The following CLIC5 variants were observed in gnomAD, a reference collection of about 807,000 sequenced individuals.
CLIC5 encodes CLIC family member 5, also known as chloride intracellular channel protein 5.
CLIC5 carries 20 observed loss-of-function variants against 24.7 expected under a neutral mutation model. That is an observed-to-expected ratio of 0.81 (90% CI 0.57 to 1.18). The LOEUF (loss-of-function observed/expected upper bound fraction) is 1.18. Ranked by LOEUF, CLIC5 falls within the 50% of genes most tolerant of loss-of-function variation. The pLI, the probability that CLIC5 is intolerant of heterozygous loss-of-function variation, is 0.00. For synonymous variants in CLIC5, 159 were observed against 135.6 expected, an observed-to-expected ratio of 1.17 and a Z score of -1.20; for missense variants, 341 against 326.1, an observed-to-expected ratio of 1.05 and a Z score of -0.35.
intron 1 of CLIC5, 52 bp from the exon 2 acceptor site, chr6:45,955,296 G>T: frequency 1.5e-6 from 2 of 1,350,444 alleles, no homozygotes; most frequent in Non-Finnish European, 2.1e-6. Context: ...TTAGCAAGGG[G>T]AACATAAGAT....
chr6:46,086,231 T>C, the CLIC5 span, among the ~76,000 whole-genome samples: 24,404 of 152,272 alleles, frequency 0.16, 2,194 homozygotes, highest in South Asian at 0.34. Flanking sequence ...CTTCGGCTCG[T>C]GCACGGTGCA....
At chr6:45,947,617 C>T (rs915719904) in intron 3 of CLIC5, among the ~76,000 whole-genome samples, 3 of 152,176 alleles carry the variant, frequency 2.0e-5, no homozygotes, top group Non-Finnish European at 4.4e-5. Flanking sequence ...ATGTTAACTG[C>T]GTCATGAACT....
chr6:45,940,550 G>A (rs1164812024), intron 4 of CLIC5, among the ~76,000 whole-genome samples: 1 of 152,174 alleles, frequency 6.6e-6, no homozygotes. Context: ...TATTCTCCTT[G>A]GAGCTTCTGG....
chr6:45,963,573 C>A (rs556612003), intron 1 of CLIC5, among the ~76,000 whole-genome samples: 1 of 152,060 alleles, frequency 6.6e-6, no homozygotes, highest in African/African-American at 2.4e-5. Context: ...GAGAACTTAC[C>A]TTGAGAACAT....
intron 1 of CLIC5, among the ~76,000 whole-genome samples, chr6:45,955,983 T>C (rs989497737): frequency 3.3e-5 from 5 of 152,170 alleles, no homozygotes; most frequent in Non-Finnish European, 2.9e-5. Context: ...ATTGAATTCC[T>C]CCAAGGAGCT....
intron 5 of CLIC5, chr6:45,912,371 T>A: frequency 9.4e-7 from 1 of 1,066,120 alleles, no homozygotes. Flanking sequence ...AGGGCTTCAC[T>A]GAGTAATTTA....
At chr6:45,992,153 G>A (rs1041960748) in intron 1 of CLIC5, among the ~76,000 whole-genome samples, 1 of 152,134 alleles carries the variant, frequency 6.6e-6, no homozygotes, top group African/African-American at 2.4e-5. Context: ...ATGGTATCAG[G>A]TGCTCACACC....
chr6:45,947,991 C>T (rs1201596387), intron 3 of CLIC5, among the ~76,000 whole-genome samples: 1 of 152,148 alleles, frequency 6.6e-6, no homozygotes, highest in Non-Finnish European at 1.5e-5. Flanking sequence ...TTATTTGGAG[C>T]ATGACTGGCA....
At chr6:46,023,828 A>T (rs572619096) in intron 1 of CLIC5, among the ~76,000 whole-genome samples, 1 of 152,160 alleles carries the variant, frequency 6.6e-6, no homozygotes, top group Non-Finnish European at 1.5e-5. Context: ...AAATACAACT[A>T]TTATACAAAT....
chr6:46,027,113 G>A (rs1227768447), intron 1 of CLIC5, among the ~76,000 whole-genome samples: 1 of 152,182 alleles, frequency 6.6e-6, no homozygotes, highest in Non-Finnish European at 1.5e-5. Context: ...GGTGGGTCTT[G>A]CAATCCATTG....
chr6:45,932,312 T>G (rs1410532108), intron 4 of CLIC5, among the ~76,000 whole-genome samples: 1 of 152,082 alleles, frequency 6.6e-6, no homozygotes, highest in Non-Finnish European at 1.5e-5. Context: ...TTTCACCATG[T>G]TGGCCAGGAC....
intron 2 of CLIC5, among the ~76,000 whole-genome samples, chr6:45,950,215 C>A (rs1035474011): frequency 2.6e-5 from 4 of 152,128 alleles, no homozygotes; most frequent in African/African-American, 9.7e-5. Context: ...CCATGCCTGG[C>A]ATATAGGAGG....
intron 1 of CLIC5, among the ~76,000 whole-genome samples, chr6:46,076,001 A>T (rs1234346145): frequency 6.6e-6 from 1 of 152,022 alleles, no homozygotes; most frequent in Non-Finnish European, 1.5e-5. Flanking sequence ...ACGCACCCTC[A>T]TCTCTTGCCT....
intron 4 of CLIC5, among the ~76,000 whole-genome samples, chr6:45,934,833 C>T (rs774647618): frequency 1.3e-5 from 2 of 152,262 alleles, no homozygotes; most frequent in Non-Finnish European, 2.9e-5. Flanking sequence ...CTGAGGGAAA[C>T]ATGATAGACC....
At chr6:46,052,821 C>G (rs76166664) in intron 1 of CLIC5, among the ~76,000 whole-genome samples, 44 of 152,076 alleles carry the variant, frequency 2.9e-4, no homozygotes, top group Admixed American at 2.2e-3. Flanking sequence ...CTTCCAGTCT[C>G]GGTGTGGAGG....
At chr6:46,027,598 T>C (rs975549184) in intron 1 of CLIC5, among the ~76,000 whole-genome samples, 3 of 152,362 alleles carry the variant, frequency 2.0e-5, no homozygotes, top group East Asian at 3.9e-4. Flanking sequence ...TGAATATATG[T>C]TGAGTTTGCA....
chr6:46,014,163 G>A (rs1478669893), intron 1 of CLIC5: 5 of 152,204 alleles, frequency 3.3e-5, no homozygotes, highest in Admixed American at 2.0e-4. Context: ...CACAAAGAAT[G>A]TAAAACCCAG....
intron 1 of CLIC5, among the ~76,000 whole-genome samples, chr6:46,004,502 G>C (rs1215140328): frequency 6.6e-6 from 1 of 152,210 alleles, no homozygotes; most frequent in East Asian, 1.9e-4. Context: ...CCCGCAGGGT[G>C]GCAGAACTAC....
At chr6:45,939,217 C>CTTTTTT (rs34976541) in intron 4 of CLIC5, among the ~76,000 whole-genome samples, 23 of 115,766 alleles carry the variant, frequency 2.0e-4, no homozygotes, top group Admixed American at 3.6e-4. Context: ...CTCCTCTCCT[C>CTTTTTT]TTTTTTTTTT....
Sources: gnomAD v4.1 joint callset for allele counts (sites outside exome capture counted in the v4.1 genomes callset) on GRCh38, gnomAD v4.1.1 for gene constraint, MANE v1.5 for transcripts, NCBI Gene and HGNC (gene_info 2026-07-23, HGNC 2026-07-21) for gene names.